STRN: variants seen among roughly 807,000 people sequenced by gnomAD.
STRN encodes protein phosphatase 2 regulatory subunit B'''alpha.
STRN carries 53 observed loss-of-function variants against 96.3 expected under a neutral mutation model. The observed-to-expected ratio is 0.55, with a 90% CI of 0.44 to 0.69. The LOEUF is 0.69. Ranked by LOEUF, STRN falls within the 30% of genes least tolerant of loss-of-function variation. STRN has a pLI of 0.00. For synonymous variants in STRN, 428 were observed against 355.9 expected, an observed-to-expected ratio of 1.20 and a Z score of -2.28; for missense variants, 987 against 963.9, an observed-to-expected ratio of 1.02 and a Z score of -0.32.
chr2:36,872,631 C>T (rs763660940), intron 10 of STRN, among the ~76,000 whole-genome samples: 2 of 152,104 alleles, frequency 1.3e-5, no homozygotes, highest in African/African-American at 2.4e-5. Context: ...GGAAACCGAG[C>T]GACAGACCTA....
chr2:36,854,904 T>C (rs1047648330), intron 15 of STRN, among the ~76,000 whole-genome samples: 29 of 152,236 alleles, frequency 1.9e-4, no homozygotes, highest in Non-Finnish European at 2.5e-4. Flanking sequence ...AAATGAAAAA[T>C]AGAATTTCCT....
Position 36,838,351 on chromosome 2 carries a change from G to T in STRN, c.*11105C>A, listed in dbSNP as rs571501880. 2.6e-5 allele frequency among the ~76,000 whole-genome samples: 4 copies of T among 152,222 alleles called. No individual in the cohort carries two copies. The highest frequency in any genetic ancestry group is 9.6e-5 in the African/African-American group (4 of 41,536). ...AAGACACTTTCATTTCAGCCTTGTT[G>T]GGCCTTGAACAGACAGCCCAGTTGA... is the stretch of plus-strand genomic sequence containing the variant. On this transcript the variant is annotated 3_prime_UTR_variant, in exon 18 of 18. Coordinates refer to ENST00000263918, the MANE Select transcript of STRN (RefSeq NM_003162.4).
At chr2:36,861,655 C>T (rs1471909129) in intron 12 of STRN, among the ~76,000 whole-genome samples, 1 of 151,982 alleles carries the variant, frequency 6.6e-6, no homozygotes, top group Non-Finnish European at 1.5e-5. Context: ...GTATGCCAAT[C>T]TCTGTGCTAA....
chr2:36,908,004 T>TA (rs1236917313), intron 3 of STRN, among the ~76,000 whole-genome samples: 1 of 151,546 alleles, frequency 6.6e-6, no homozygotes, highest in African/African-American at 2.4e-5. Context: ...AAATAAAAAA[T>TA]AAAAAAAGAA....
At position 36,845,175 on chromosome 2, in the gene STRN, A is replaced by G. The variant is rs1390361175; in HGVS notation, c.*4281T>C. 3 of 152,260 alleles carry G rather than the reference A, an allele frequency of 2.0e-5. No homozygotes were observed. Among genetic ancestry groups the G allele is most frequent in the Admixed American group, 6.5e-5 (1 of 15,276 alleles). 9.4% of individuals were successfully genotyped at this position (152,260 alleles called of 1,614,324 possible). A position where few individuals can be genotyped will look rare whatever the true frequency, so the allele number is the denominator to read the frequency against. The stretch of plus-strand genomic sequence containing the variant: ...ATAATTATTTGGCTATTGGTTGAAA[A>G]CATCACACAGACAGACACCAACCAA... On this transcript the variant is annotated 3_prime_UTR_variant, in exon 18 of 18. Coordinates refer to ENST00000263918, the MANE Select transcript of STRN (RefSeq NM_003162.4).
rs150380250 is a variant in STRN at position 36,893,914 on chromosome 2, G to A, written c.915C>T (p.Gly305=). Residue 305 remains glycine, a synonymous_variant, in exon 7 of 18, where the codon GGC becomes GGT. Transcript: ENST00000263918. The stretch of plus-strand genomic sequence containing the variant: ...CTTCCTTACCCCAGTCTGTTCCATC[G>A]CCTGCACTTCTAGATTCATTGTCTC... The part of the protein sequence containing the change: ...EEGDNESRSA[G]DGTDWEKEDQ... The A allele has an allele frequency of 2.4e-4, 387 of 1,610,482 alleles. 1 individual carries two copies. Among genetic ancestry groups the A allele is most frequent in the Middle Eastern group, 8.2e-4 (5 of 6,070 alleles).
intron 6 of STRN, among the ~76,000 whole-genome samples, chr2:36,895,375 T>G (rs1669511930): frequency 1.3e-5 from 2 of 151,420 alleles, no homozygotes; most frequent in Admixed American, 6.6e-5. Flanking sequence ...GATTATTTAA[T>G]GATGCTAGAA....
At chr2:36,855,383 A>G in intron 14 of STRN, 31 bp from the exon 15 acceptor site, 1 of 1,605,996 alleles carries the variant, frequency 6.2e-7, no homozygotes. Context: ...ATAGAATGGC[A>G]ATTAAACCAT....
In STRN at chr2:36,920,848, G is replaced by A. The variant is rs192965860; in HGVS notation, c.338+4257C>T. On this transcript the variant is annotated intron_variant, in intron 2 of 17. Coordinates refer to ENST00000263918, the MANE Select transcript of STRN (RefSeq NM_003162.4). ...TCCCAACACTTTCGGAGGCCAAGGC[G>A]GGCGGATCACAAGGTCAAGGGATCG... 2.8e-3 allele frequency among the ~76,000 whole-genome samples: 429 copies of A among 152,038 alleles called. 2 individuals carry two copies. Among genetic ancestry groups the A allele is most frequent in the African/African-American group, 9.8e-3 (405 of 41,464 alleles).
At chr2:36,876,270 TA>T (rs11292459) in intron 10 of STRN, among the ~76,000 whole-genome samples, 133,238 of 144,440 alleles carry the variant, frequency 0.92, 62,259 homozygotes, top group South Asian at 1. Context: ...GACCCTGCCT[TA>T]AAAAAAAAAA....
intron 12 of STRN, among the ~76,000 whole-genome samples, chr2:36,862,807 T>G (rs1012862297): frequency 2.0e-5 from 3 of 151,866 alleles, no homozygotes; most frequent in Non-Finnish European, 2.9e-5. Context: ...CGATCTTGGC[T>G]CACTGCAAGC....
chr2:36,881,476 T>C (rs552817759), intron 9 of STRN, among the ~76,000 whole-genome samples: 1 of 152,302 alleles, frequency 6.6e-6, no homozygotes, highest in Non-Finnish European at 1.5e-5. Context: ...AACAAAATTA[T>C]AGAGCACACA....
chr2:36,931,307 C>T (rs1396307238), intron 1 of STRN, among the ~76,000 whole-genome samples: 1 of 152,154 alleles, frequency 6.6e-6, no homozygotes, highest in African/African-American at 2.4e-5. Flanking sequence ...AGTTCAATCA[C>T]ATGTTTGGGA....
chr2:36,873,240 C>T lies in STRN; in HGVS notation c.1324-3511G>A, dbSNP rs79865693. ...CTGAGAAAAGCAATTTAAATTATAA[C>T]ATTTGGTCTGAAGTTATTTCTACAG... On this transcript the variant is annotated intron_variant, in intron 10 of 17. Coordinates refer to ENST00000263918, the MANE Select transcript of STRN (RefSeq NM_003162.4). Among the ~76,000 whole-genome samples, 1,143 of 152,316 alleles carry T rather than the reference C, an allele frequency of 7.5e-3. 16 individuals carry two copies. Among genetic ancestry groups the T allele is most frequent in the African/African-American group, 0.026 (1,093 of 41,570 alleles).
intron 1 of STRN, among the ~76,000 whole-genome samples, chr2:36,952,315 G>A (rs879487350): frequency 2.0e-5 from 3 of 152,122 alleles, no homozygotes; most frequent in Admixed American, 6.5e-5. Context: ...AGGGAAGCAC[G>A]AAGCTTCCTT....
chr2:36,947,450 A>C (rs1664607764), intron 1 of STRN, among the ~76,000 whole-genome samples: 2 of 151,624 alleles, frequency 1.3e-5, no homozygotes. Flanking sequence ...TAATTCATTT[A>C]ACCACTAAGT....
At chr2:36,886,042 G>C (rs935929261) in intron 8 of STRN, among the ~76,000 whole-genome samples, 1 of 152,062 alleles carries the variant, frequency 6.6e-6, no homozygotes, top group African/African-American at 2.4e-5. Context: ...TTTGCATAAT[G>C]AAATAATTAA....
chr2:36,876,063 G>GT (rs1179251045), intron 10 of STRN, among the ~76,000 whole-genome samples: 6 of 152,250 alleles, frequency 3.9e-5, no homozygotes, highest in Admixed American at 1.3e-4. Context: ...GAGCTTAGGA[G>GT]TTTGAGACCA....
At chr2:36,923,765 A>C (rs1382903819) in intron 2 of STRN, among the ~76,000 whole-genome samples, 11 of 152,198 alleles carry the variant, frequency 7.2e-5, no homozygotes, top group African/African-American at 2.7e-4. Context: ...AAACAAAACA[A>C]GCATCATTAA....
Sources: allele counts gnomAD v4.1 joint callset (sites outside exome capture counted in the v4.1 genomes callset), GRCh38; gene constraint gnomAD v4.1.1; transcripts MANE v1.5; gene names NCBI Gene and HGNC (gene_info 2026-07-23, HGNC 2026-07-21).